Variants in PCDH15 observed in about 807,000 individuals in gnomAD.
PCDH15 encodes the protein protocadherin-15.
PCDH15 carries 129 observed loss-of-function variants against 178.5 expected under a neutral mutation model. The ratio of observed to expected loss-of-function variants is 0.72; its 90% CI spans 0.63 to 0.84. The LOEUF (loss-of-function observed/expected upper bound fraction) is 0.84, where lower values mean the gene tolerates loss of function less well. PCDH15 is among the 40% of genes least tolerant of loss of function. The probability of loss-of-function intolerance (pLI) is 0.00; values close to 1 mark genes in which losing one functional copy is unlikely to be tolerated. For synonymous variants in PCDH15, 800 were observed against 732.0 expected (o/e 1.09, Z -1.50); for missense variants, 2,230 against 2,099.9 (o/e 1.06, Z -1.21).
intron 2 of PCDH15, among the ~76,000 whole-genome samples, chr10:55,447,259 A>T (rs2132076744): frequency 6.6e-6 from 1 of 152,196 alleles, no homozygotes; most frequent in African/African-American, 2.4e-5. Context: ...TAATAGCAAC[A>T]AGTATCTATG....
intron 35 of PCDH15, among the ~76,000 whole-genome samples, chr10:53,812,014 AATTATAAC>A (rs758720258): frequency 1.6e-4 from 25 of 152,164 alleles, no homozygotes; most frequent in Non-Finnish European, 3.2e-4. Context: ...CCTTAAGAAA[AATTATAAC>A]ACTATCTACA....
chr10:54,583,305 G>T (rs1456998095), intron 2 of PCDH15, among the ~76,000 whole-genome samples: 2 of 151,938 alleles, frequency 1.3e-5, no homozygotes, highest in African/African-American at 4.8e-5. Flanking sequence ...AACAATTGAG[G>T]AATTAGAATG....
intron 2 of PCDH15, among the ~76,000 whole-genome samples, chr10:55,615,047 T>C (rs1843446659): frequency 6.6e-6 from 1 of 152,174 alleles, no homozygotes; most frequent in Admixed American, 6.5e-5. Flanking sequence ...TTGGGTTATT[T>C]GGAAAATTGT....
intron 19 of PCDH15, among the ~76,000 whole-genome samples, chr10:54,021,739 G>A (rs1010595483): frequency 1.3e-5 from 2 of 151,772 alleles, no homozygotes; most frequent in Admixed American, 6.6e-5. Context: ...GAGGACCTAC[G>A]TTTTAACTAC....
chr10:54,756,089 A>ACACACTCACT (rs1555182951), intron 1 of PCDH15, among the ~76,000 whole-genome samples: 2 of 148,228 alleles, frequency 1.3e-5, no homozygotes, highest in Non-Finnish European at 3.0e-5. Context: ...ACACACACAC[A>ACACACTCACT]CACACACAAA....
intron 2 of PCDH15, among the ~76,000 whole-genome samples, chr10:54,610,902 C>A (rs1032746017): frequency 1.3e-5 from 2 of 151,756 alleles, no homozygotes; most frequent in African/African-American, 4.8e-5. Context: ...GAAATACATA[C>A]AAAATTCATA....
intron 1 of PCDH15, among the ~76,000 whole-genome samples, chr10:54,696,452 G>T (rs1051634537): frequency 3.3e-5 from 5 of 152,048 alleles, no homozygotes; most frequent in African/African-American, 1.2e-4. Flanking sequence ...CCATTGAAAT[G>T]ACAACAAAGA....
At chr10:55,581,535 T>C (rs1363425696) in intron 2 of PCDH15, among the ~76,000 whole-genome samples, 1 of 152,088 alleles carries the variant, frequency 6.6e-6, no homozygotes, top group Non-Finnish European at 1.5e-5. Context: ...ATGTTGCTTT[T>C]CTTTTCTGCA....
chr10:54,134,626 G>A (rs554471677), intron 14 of PCDH15, among the ~76,000 whole-genome samples: 238 of 151,684 alleles, frequency 1.6e-3, no homozygotes, highest in African/African-American at 5.4e-3. Context: ...GGTTGCGGGC[G>A]CCTGGGGTCC....
At chr10:54,191,946 A>G (rs1184640338) in intron 11 of PCDH15, among the ~76,000 whole-genome samples, 1 of 148,492 alleles carries the variant, frequency 6.7e-6, no homozygotes, top group Non-Finnish European at 1.5e-5. Context: ...GGGAAAGAAA[A>G]AAAAGAAAAG....
At chr10:55,379,293 T>G (rs2131999048) in intron 2 of PCDH15, among the ~76,000 whole-genome samples, 1 of 152,056 alleles carries the variant, frequency 6.6e-6, no homozygotes, top group Non-Finnish European at 1.5e-5. Context: ...GTTATTCTCC[T>G]AATGTACCCC....
intron 9 of PCDH15, among the ~76,000 whole-genome samples, chr10:54,215,475 C>T (rs567263234): frequency 9.9e-5 from 15 of 152,208 alleles, no homozygotes; most frequent in African/African-American, 3.6e-4. Context: ...TACAGAAAAT[C>T]ATAGAGTTTC....
At chr10:54,408,774 C>T (rs1309506597) in intron 3 of PCDH15, among the ~76,000 whole-genome samples, 1 of 152,140 alleles carries the variant, frequency 6.6e-6, no homozygotes, top group Admixed American at 6.6e-5. Context: ...ACAGGTGTTA[C>T]ACTTTTTGCA....
intron 2 of PCDH15, among the ~76,000 whole-genome samples, chr10:54,614,503 T>C (rs1406870554): frequency 3.9e-5 from 6 of 152,134 alleles, no homozygotes; most frequent in Non-Finnish European, 7.4e-5. Context: ...CCTTTGGAAG[T>C]TTTAGCAATT....
In PCDH15 at chr10:54,329,958, C is replaced by T. The variant is rs857396; in HGVS notation, c.595-252G>A. On this transcript the variant is annotated intron_variant, in intron 6 of 37. Coordinates refer to ENST00000644397, the MANE Select transcript of PCDH15 (RefSeq NM_001384140.1). ...TCTTGTCATAGTTTTTAATATATTA[C>T]TAGTATTATTCATCAACAGTCTTGG... 0.73 allele frequency among the ~76,000 whole-genome samples: 110,225 copies of T among 151,572 alleles called. 41,042 individuals are homozygous for T. Among genetic ancestry groups the T allele is most frequent in the Middle Eastern group, 0.83 (241 of 292 alleles).
chr10:53,808,515 T>C, intron 37 of PCDH15: 1 of 1,426,490 alleles, frequency 7.0e-7, no homozygotes, highest in Non-Finnish European at 9.1e-7. Context: ...TACAGTCTAA[T>C]ATACAAATGG....
chr10:53,872,261 C>T lies in PCDH15; in HGVS notation c.3502-5404G>A, dbSNP rs1011901098. 2.6e-5 allele frequency among the ~76,000 whole-genome samples: 4 copies of T among 152,156 alleles called. No homozygotes were observed. In the East Asian group the frequency reaches 7.7e-4, roughly 29 times the overall value. On this transcript the variant is annotated intron_variant, in intron 26 of 37. Coordinates refer to ENST00000644397, the MANE Select transcript of PCDH15 (RefSeq NM_001384140.1). ...ATAACATTCATCAGTCTTTGAACGA[C>T]CTCACTGCATCGATTTAATTCTACA...
rs559421779 is a variant in PCDH15 at position 54,792,894 on chromosome 10, C to G, written c.-29+8031G>C. Among the ~76,000 whole-genome samples the G allele has an allele frequency of 4.6e-5, 7 of 151,936 alleles. No homozygotes were observed. In the South Asian group the frequency reaches 1.5e-3, roughly 32 times the overall value. Reference sequence around the variant, plus strand: ...AGGGTGGGATCTTATATCTCATTCACTACCAGAAAGAAGGAAATGTACTGA... The same window carrying G: ...AGGGTGGGATCTTATATCTCATTCAGTACCAGAAAGAAGGAAATGTACTGA... On this transcript the variant is annotated intron_variant, in intron 1 of 37. Transcript: ENST00000644397.
chr10:54,801,097 A>G lies in PCDH15; in HGVS notation c.-201T>C, dbSNP rs1371044618. 2 of 152,190 alleles carry G rather than the reference A, an allele frequency of 1.3e-5. No individual in the cohort carries two copies. Among genetic ancestry groups the G allele is most frequent in the South Asian group, 2.1e-4 (1 of 4,830 alleles). 9.4% of individuals were successfully genotyped at this position (152,190 alleles called of 1,614,324 possible). A position where few individuals can be genotyped will look rare whatever the true frequency, so the allele number is the denominator to read the frequency against. ...CTGTGAGGCATTGATATCCACTCTCATATCATCAAGAAAATGTTACTAGGA... is the reference window on the plus strand; with the variant it reads ...CTGTGAGGCATTGATATCCACTCTCGTATCATCAAGAAAATGTTACTAGGA... On this transcript the variant is annotated 5_prime_UTR_variant, in exon 1 of 38. An upstream start codon of the reference 5' UTR is lost. Transcript: ENST00000644397.
Sources: gnomAD v4.1 joint callset for allele counts (sites outside exome capture counted in the v4.1 genomes callset) on GRCh38, gnomAD v4.1.1 for gene constraint, MANE v1.5 for transcripts, NCBI Gene and HGNC (gene_info 2026-07-23, HGNC 2026-07-21) for gene names.